Variants in UBE2L3 observed in about 807,000 individuals in gnomAD.
UBE2L3 encodes ubiquitin conjugating enzyme E2 L3.
A neutral mutation model predicts 17.8 loss-of-function variants in UBE2L3; 1 was observed. That is an observed-to-expected ratio of 0.06 (90% CI 0.02 to 0.27). UBE2L3 has a LOEUF of 0.27. Among genes scored for constraint, UBE2L3 ranks in the 10% least tolerant of loss-of-function variants. The pLI, the probability that UBE2L3 is intolerant of heterozygous loss-of-function variation, is 1.00. For missense variants in UBE2L3, 40 were observed against 192.6 expected (o/e 0.21, Z 4.69); for synonymous variants, 44 against 68.5 (o/e 0.64, Z 1.76).
chr22:21,588,413 CAG>C (rs1449221403), intron 1 of UBE2L3, among the ~76,000 whole-genome samples: 2 of 150,394 alleles, frequency 1.3e-5, no homozygotes, highest in East Asian at 3.9e-4. Flanking sequence ...TTTTGAGTCT[CAG>C]ATATTCAGAT....
intron 1 of UBE2L3, among the ~76,000 whole-genome samples, chr22:21,578,771 G>A (rs1462489346): frequency 6.6e-6 from 1 of 152,068 alleles, no homozygotes; most frequent in Non-Finnish European, 1.5e-5. Context: ...TCTTTGTCAT[G>A]TCCTCTTAGA....
At chr22:21,616,239 A>G (rs1203609625) in intron 3 of UBE2L3, among the ~76,000 whole-genome samples, 1 of 152,208 alleles carries the variant, frequency 6.6e-6, no homozygotes, top group Admixed American at 6.6e-5. Context: ...ATTCAGCTGT[A>G]TATGGGATGC....
At chr22:21,609,461 C>T (rs904591826) in intron 2 of UBE2L3, among the ~76,000 whole-genome samples, 8 of 152,034 alleles carry the variant, frequency 5.3e-5, no homozygotes, top group Admixed American at 1.3e-4. Context: ...AATCCTAGTA[C>T]TTTGGGAGGC....
intron 1 of UBE2L3, among the ~76,000 whole-genome samples, chr22:21,570,394 T>C (rs113996745): frequency 0.012 from 1,787 of 152,344 alleles, 39 homozygotes; most frequent in African/African-American, 0.04. Flanking sequence ...GTAAGTCATC[T>C]TTTCAACACT....
chr22:21,623,353 T>C lies in UBE2L3; in HGVS notation c.*1684T>C, dbSNP rs1217958300. The C allele has an allele frequency of 2.6e-5, 4 of 152,730 alleles. No homozygotes were observed. The highest frequency in any genetic ancestry group is 1.5e-5 in the Non-Finnish European group (1 of 68,036). The allele number at this position is 152,730 out of a possible 1,614,324, so 9.5% of individuals were successfully genotyped here. On this transcript the variant is annotated 3_prime_UTR_variant, in exon 4 of 4. Transcript: ENST00000342192. ...ACGCCAAGGGCAGGTTTCTGGAGACTCCCTTGTGCCCGGGATGGCAAGGGC... is the reference window on the plus strand; with the variant it reads ...ACGCCAAGGGCAGGTTTCTGGAGACCCCCTTGTGCCCGGGATGGCAAGGGC...
intron 1 of UBE2L3, among the ~76,000 whole-genome samples, chr22:21,572,422 C>CA (rs140497): frequency 0.78 from 81,907 of 104,752 alleles, 32,427 homozygotes; most frequent in East Asian, 0.84. Flanking sequence ...GACTCCGTCT[C>CA]AAAAAAAAAA....
intron 3 of UBE2L3, among the ~76,000 whole-genome samples, chr22:21,613,276 C>G (rs1320576765): frequency 6.6e-6 from 1 of 152,200 alleles, no homozygotes; most frequent in African/African-American, 2.4e-5. Context: ...ACCTTCCTAT[C>G]CAGGTGCACT....
chr22:21,582,007 C>T (rs1927665729), intron 1 of UBE2L3, among the ~76,000 whole-genome samples: 1 of 150,992 alleles, frequency 6.6e-6, no homozygotes, highest in Non-Finnish European at 1.5e-5. Flanking sequence ...GTAGTCCCAG[C>T]TACTCAGGAG....
intron 1 of UBE2L3, among the ~76,000 whole-genome samples, chr22:21,575,430 A>G (rs1927219948): frequency 7.2e-6 from 1 of 137,994 alleles, no homozygotes; most frequent in Non-Finnish European, 1.6e-5. Context: ...AAAAAAAAAA[A>G]ATACAAAAAT....
chr22:21,560,747 G>A (rs1232306450), intron 1 of UBE2L3, among the ~76,000 whole-genome samples: 43 of 150,272 alleles, frequency 2.9e-4, no homozygotes, highest in East Asian at 1.2e-3. Context: ...CACCGCTCCC[G>A]GGCTGGATCT....
At chr22:21,592,817 G>A (rs1928334668) in intron 1 of UBE2L3, 44 bp from the exon 2 acceptor site, 1 of 1,467,076 alleles carries the variant, frequency 6.8e-7, no homozygotes. Context: ...AATATGTGGT[G>A]CTTTCCCCTA....
intron 3 of UBE2L3, among the ~76,000 whole-genome samples, chr22:21,619,714 CAG>C (rs1187899359): frequency 6.6e-6 from 1 of 152,192 alleles, no homozygotes; most frequent in African/African-American, 2.4e-5. Context: ...ACTTTTGAGA[CAG>C]AGTCTCGCTC....
chr22:21,569,571 C>T (rs1926846584), intron 1 of UBE2L3, among the ~76,000 whole-genome samples: 1 of 152,120 alleles, frequency 6.6e-6, no homozygotes, highest in African/African-American at 2.4e-5. Flanking sequence ...TTCTTTCACT[C>T]CTGTTAAAAA....
intron 3 of UBE2L3, among the ~76,000 whole-genome samples, chr22:21,618,615 G>T (rs1929902892): frequency 6.7e-6 from 1 of 149,806 alleles, no homozygotes; most frequent in South Asian, 2.2e-4. Context: ...TTGCGATAGG[G>T]TCTTGCTGTG....
upstream of UBE2L3, among the ~76,000 whole-genome samples, chr22:21,564,196 A>C (rs1026526360): frequency 1.3e-5 from 2 of 151,558 alleles, no homozygotes; most frequent in Non-Finnish European, 2.9e-5. Flanking sequence ...ACACCTGGCT[A>C]ATTCTTTTTT....
intron 1 of UBE2L3, among the ~76,000 whole-genome samples, chr22:21,590,228 G>T (rs980168866): frequency 6.6e-6 from 1 of 151,520 alleles, no homozygotes; most frequent in African/African-American, 2.4e-5. Flanking sequence ...ACAGAGTTTC[G>T]CTCTTTTCGC....
At chr22:21,561,731 G>T (rs1283733470) in intron 1 of UBE2L3, among the ~76,000 whole-genome samples, 4 of 152,258 alleles carry the variant, frequency 2.6e-5, no homozygotes, top group African/African-American at 7.2e-5. Context: ...GGGCACAGTG[G>T]GGGGTGTGAT....
chr22:21,616,515 G>T lies in UBE2L3; in HGVS notation c.311-5000G>T, dbSNP rs182434918. ...AATACAAAAAAAATTAGCTGGGCAC[G>T]GTGGCGTGCACCTGTAGTCCCAGCT... On this transcript the variant is annotated intron_variant, in intron 3 of 3. Coordinates refer to ENST00000342192, the MANE Select transcript of UBE2L3 (RefSeq NM_003347.4). Among the ~76,000 whole-genome samples the T allele has an allele frequency of 3.9e-5, 6 of 152,160 alleles. No individual in the cohort carries two copies. The East Asian group carries it at 1.2e-3, about 29-fold the overall frequency.
chr22:21,562,841 T>A (rs1464850555), upstream of UBE2L3, among the ~76,000 whole-genome samples: 2 of 151,280 alleles, frequency 1.3e-5, no homozygotes, highest in Non-Finnish European at 2.9e-5. Flanking sequence ...GCCCAAGGCC[T>A]AATAGGTGAG....
Sources: gnomAD v4.1 joint callset for allele counts (sites outside exome capture counted in the v4.1 genomes callset) on GRCh38, gnomAD v4.1.1 for gene constraint, MANE v1.5 for transcripts, NCBI Gene and HGNC (gene_info 2026-07-23, HGNC 2026-07-21) for gene names.